RMND1: variants seen among roughly 807,000 people sequenced by gnomAD.
RMND1 encodes the protein required for meiotic nuclear division protein 1 homolog.
A neutral mutation model predicts 54.0 loss-of-function variants in RMND1; 41 were observed. The ratio of observed to expected loss-of-function variants is 0.76; its 90% CI spans 0.59 to 0.98. The LOEUF (loss-of-function observed/expected upper bound fraction) is 0.98, where lower values mean the gene tolerates loss of function less well. Among genes scored for constraint, RMND1 ranks in the 50% least tolerant of loss-of-function variants. RMND1 has a pLI of 0.00. For missense variants in RMND1, 457 were observed against 532.0 expected (o/e 0.86, Z 1.39); for synonymous variants, 183 against 181.7 (o/e 1.01, Z -0.06).
At chr6:151,447,327 ACAAATTTT>A (rs56131150) in intron 1 of RMND1, among the ~76,000 whole-genome samples, 21,797 of 152,098 alleles carry the variant, frequency 0.14, 1,927 homozygotes, top group East Asian at 0.36. Flanking sequence ...TGTTCATGAA[ACAAATTTT>A]TGGTGATGAT....
chr6:151,428,222 C>T (rs1164096107), intron 5 of RMND1, among the ~76,000 whole-genome samples: 1 of 152,198 alleles, frequency 6.6e-6, no homozygotes, highest in African/African-American at 2.4e-5. Context: ...GTACTGAAAT[C>T]CTAATCCCCA....
Position 151,433,248 on chromosome 6 carries a change from C to A in RMND1, c.614-18G>T, listed in dbSNP as rs764159292. 1.9e-6 allele frequency: 3 copies of A among 1,580,622 alleles called. No individual in the cohort carries two copies. Among genetic ancestry groups the A allele is most frequent in the Admixed American group, 1.7e-5 (1 of 57,970 alleles). Reference sequence around the variant, plus strand: ...TGCTGCATCTGTGATTTAAAATAAACGAACAAAAAAGCTATGTCAAGGTAA... The same window carrying A: ...TGCTGCATCTGTGATTTAAAATAAAAGAACAAAAAAGCTATGTCAAGGTAA... On this transcript the variant is annotated intron_variant, in intron 3 of 11. Coordinates refer to ENST00000444024, the MANE Select transcript of RMND1 (RefSeq NM_017909.4).
intron 8 of RMND1, 128 bp from the exon 9 acceptor site, chr6:151,421,449 T>C (rs1780148848): frequency 1.7e-6 from 1 of 604,212 alleles, no homozygotes; most frequent in South Asian, 2.2e-5. Flanking sequence ...AGGATGGCTG[T>C]CTCCCAGATT....
In RMND1 at chr6:151,408,157, T is replaced by C. The variant is rs1489007672; in HGVS notation, c.1201-2321A>G. Among the ~76,000 whole-genome samples, 3 of 152,132 alleles carry C rather than the reference T, an allele frequency of 2.0e-5. No homozygotes were observed. In the East Asian group the frequency reaches 5.8e-4, roughly 29 times the overall value. On this transcript the variant is annotated intron_variant, in intron 10 of 11. Coordinates refer to ENST00000444024, the MANE Select transcript of RMND1 (RefSeq NM_017909.4). ...GAAACAGCATACAGACAAGCATAGC[T>C]AGATTGTGGACAACCTAGAAGAAAG...
intron 10 of RMND1, among the ~76,000 whole-genome samples, chr6:151,412,086 GC>G (rs1412410341): frequency 6.6e-6 from 1 of 151,850 alleles, no homozygotes; most frequent in Non-Finnish European, 1.5e-5. Context: ...TGCAACCTCT[GC>G]CCCCCTTAGG....
At chr6:151,413,743 G>A (rs1333899727) in intron 10 of RMND1, 3 of 152,186 alleles carry the variant, frequency 2.0e-5, no homozygotes, top group East Asian at 1.9e-4. Context: ...CTGTCAAATC[G>A]GTGTCTAATT....
chr6:151,415,117 T>C (rs1156612848), intron 10 of RMND1, among the ~76,000 whole-genome samples: 2 of 151,926 alleles, frequency 1.3e-5, no homozygotes, highest in African/African-American at 4.8e-5. Flanking sequence ...AATAAAAACA[T>C]GGGCACATAC....
At chr6:151,444,200 T>C (rs1410057867) in intron 2 of RMND1, among the ~76,000 whole-genome samples, 1 of 152,176 alleles carries the variant, frequency 6.6e-6, no homozygotes, top group African/African-American at 2.4e-5. Flanking sequence ...ACAAAGTGAG[T>C]TGAGCTTTCT....
intron 1 of RMND1, among the ~76,000 whole-genome samples, chr6:151,447,231 CAAAGGATATATAAAGTCATCCTA>C (rs1021658784): frequency 1.9e-4 from 29 of 152,056 alleles, no homozygotes; most frequent in Non-Finnish European, 1.9e-4. Flanking sequence ...GCCAGATCAC[CAAAGGATATATAAAGTCATCCTA>C]AAAAGTTTCT....
intron 2 of RMND1, among the ~76,000 whole-genome samples, chr6:151,438,713 C>A (rs570372452): frequency 6.6e-6 from 1 of 152,210 alleles, no homozygotes; most frequent in Admixed American, 6.5e-5. Flanking sequence ...CCCACACTGT[C>A]CCTGCCTCTC....
At chr6:151,433,423 A>G (rs190604971) in intron 3 of RMND1, among the ~76,000 whole-genome samples, 193 bp from the exon 4 acceptor site, 11 of 152,102 alleles carry the variant, frequency 7.2e-5, no homozygotes, top group African/African-American at 2.7e-4. Context: ...TACGACCACC[A>G]AAAAAAGATC....
intron 10 of RMND1, among the ~76,000 whole-genome samples, chr6:151,410,280 C>A (rs573948154): frequency 6.6e-6 from 1 of 152,088 alleles, no homozygotes; most frequent in Non-Finnish European, 1.5e-5. Context: ...TGGTCTGGAT[C>A]TCCTGACCTT....
chr6:151,435,671 C>T (rs1431913053), intron 3 of RMND1, among the ~76,000 whole-genome samples: 7 of 151,630 alleles, frequency 4.6e-5, no homozygotes, highest in African/African-American at 1.5e-4. Context: ...CTGCCCGCCT[C>T]GGCCTCCCAA....
chr6:151,410,377 G>A (rs536639846), intron 10 of RMND1, among the ~76,000 whole-genome samples: 12 of 152,168 alleles, frequency 7.9e-5, no homozygotes, highest in African/African-American at 2.9e-4. Flanking sequence ...TTTCTTAGAA[G>A]ACTGTAAAGC....
At chr6:151,422,441 A>G in intron 8 of RMND1, 100 bp downstream of exon 8, 1 of 558,100 alleles carries the variant, frequency 1.8e-6, no homozygotes, top group South Asian at 3.3e-5. Context: ...CAAATCTCCC[A>G]TGGATACTGA....
Position 151,450,885 on chromosome 6 carries a change from C to T in RMND1, c.-15+1131G>A, listed in dbSNP as rs904693018. 1.3e-4 allele frequency among the ~76,000 whole-genome samples: 20 copies of T among 152,298 alleles called. No individual in the cohort carries two copies. In the South Asian group the frequency reaches 2.9e-3, roughly 22 times the overall value. On this transcript the variant is annotated intron_variant, in intron 1 of 11. Coordinates refer to ENST00000444024, the MANE Select transcript of RMND1 (RefSeq NM_017909.4). ...AAAATTCTTCTGCCTTGGGATCCTG[C>T]TAATCGGTGACCTTACCCCCAACCC... is the stretch of plus-strand genomic sequence containing the variant.
chr6:151,436,262 T>C (rs759493670), intron 3 of RMND1, 184 bp downstream of exon 3: 10 of 613,464 alleles, frequency 1.6e-5, no homozygotes, highest in Non-Finnish European at 2.7e-5. Context: ...TTTTAATGAG[T>C]TCTCTGTAAA....
In RMND1 at chr6:151,445,659, A is replaced by G. The variant is rs757048050; in HGVS notation, c.153T>C (p.Asp51=). ...CSTLTIRQSL[D]LFLPDKTASG... Reference sequence around the variant, plus strand: ...TAGCTGTTTTATCAGGAAGGAACAAATCCAAGCTTTGACGTATTGTCAGTG... The same window carrying G: ...TAGCTGTTTTATCAGGAAGGAACAAGTCCAAGCTTTGACGTATTGTCAGTG... The change falls in exon 2 of 12, where the codon GAT becomes GAC. Residue 51 remains aspartate (D), a synonymous_variant. Coordinates refer to ENST00000444024, the MANE Select transcript of RMND1 (RefSeq NM_017909.4). 2 of 1,614,062 alleles carry G rather than the reference A, an allele frequency of 1.2e-6. No individual in the cohort carries two copies. Among genetic ancestry groups the G allele is most frequent in the African/African-American group, 2.7e-5 (2 of 74,916 alleles).
intron 10 of RMND1, among the ~76,000 whole-genome samples, chr6:151,409,931 G>C (rs1779755657): frequency 6.6e-6 from 1 of 152,140 alleles, no homozygotes. Context: ...CTGTGTAACT[G>C]CTCTCTGCAT....
Sources: allele counts gnomAD v4.1 joint callset (sites outside exome capture counted in the v4.1 genomes callset), GRCh38; gene constraint gnomAD v4.1.1; transcripts MANE v1.5; gene names NCBI Gene and HGNC (gene_info 2026-07-23, HGNC 2026-07-21).